GABBR2: variants seen among roughly 807,000 people sequenced by gnomAD.
GABBR2 encodes the protein G-protein coupled receptor 51.
GABBR2 carries 23 observed loss-of-function variants against 105.6 expected under a neutral mutation model. That is an observed-to-expected ratio of 0.22 (90% CI 0.16 to 0.31). The LOEUF is 0.31. Among genes scored for constraint, GABBR2 ranks in the 10% least tolerant of loss-of-function variants. GABBR2 has a pLI of 1.00. For synonymous variants in GABBR2, 478 were observed against 499.7 expected (o/e 0.96, Z 0.58); for missense variants, 734 against 1,245.5 (o/e 0.59, Z 6.18).
chr9:98,649,049 G>A (rs1564141092), intron 1 of GABBR2, among the ~76,000 whole-genome samples: 3 of 152,050 alleles, frequency 2.0e-5, no homozygotes, highest in East Asian at 3.8e-4. Flanking sequence ...AGGAAAGTCC[G>A]CAACCTAAAG....
At chr9:98,292,456 T>C (rs1165188555) in intron 18 of GABBR2, among the ~76,000 whole-genome samples, 1 of 152,176 alleles carries the variant, frequency 6.6e-6, no homozygotes, top group Non-Finnish European at 1.5e-5. Flanking sequence ...TTGGGGTTCA[T>C]TTAGGTCACT....
intron 17 of GABBR2, among the ~76,000 whole-genome samples, chr9:98,297,253 C>A (rs1191764451): frequency 6.6e-6 from 1 of 152,072 alleles, no homozygotes; most frequent in African/African-American, 2.4e-5. Context: ...TTTGCAATAA[C>A]CATGTTATAT....
chr9:98,390,024 TC>T (rs1253151754), intron 9 of GABBR2, among the ~76,000 whole-genome samples: 141 of 152,204 alleles, frequency 9.3e-4, no homozygotes, highest in Non-Finnish European at 2.4e-4. Context: ...GAGTGAGAAC[TC>T]CCCTGAACAT....
intron 13 of GABBR2, among the ~76,000 whole-genome samples, chr9:98,354,265 G>A (rs981865953): frequency 5.9e-5 from 9 of 152,184 alleles, no homozygotes; most frequent in Middle Eastern, 3.2e-3. Flanking sequence ...AGTAGATTTA[G>A]CACAATTCTT....
Position 98,321,639 on chromosome 9 carries a change from G to A in GABBR2, c.1894-10434C>T, listed in dbSNP as rs368580511. 2.6e-4 allele frequency among the ~76,000 whole-genome samples: 39 copies of A among 152,324 alleles called. 1 individual carries two copies. The highest frequency in any genetic ancestry group is 8.9e-4 in the African/African-American group (37 of 41,574). ...TAGGACCCTGACCCAGCAGGCAGAC[G>A]ATGGGGAGAATGATGACAGGAGACA... is the stretch of plus-strand genomic sequence containing the variant. On this transcript the variant is annotated intron_variant, in intron 13 of 18. Transcript: ENST00000259455.
chr9:98,315,653 AC>A (rs567595027), intron 13 of GABBR2, among the ~76,000 whole-genome samples: 287 of 152,250 alleles, frequency 1.9e-3, no homozygotes, highest in African/African-American at 6.3e-3. Context: ...CAGGTGGGCT[AC>A]CCACCCCCCA....
intron 1 of GABBR2, among the ~76,000 whole-genome samples, chr9:98,707,705 C>A (rs981022322): frequency 3.3e-5 from 5 of 152,266 alleles, no homozygotes. Flanking sequence ...CGGCCGGACA[C>A]CACTGCACGT....
chr9:98,496,368 C>T, intron 4 of GABBR2, 45 bp downstream of exon 4: 2 of 1,210,074 alleles, frequency 1.7e-6, no homozygotes, highest in Non-Finnish European at 2.5e-6. Flanking sequence ...GCACCCAGGG[C>T]ATTGAGATCA....
At chr9:98,301,642 G>A (rs1287790977) in intron 16 of GABBR2, among the ~76,000 whole-genome samples, 1 of 152,218 alleles carries the variant, frequency 6.6e-6, no homozygotes, top group Non-Finnish European at 1.5e-5. Context: ...GCCAGATTGT[G>A]ATTCATTTCC....
intron 7 of GABBR2, among the ~76,000 whole-genome samples, chr9:98,442,935 C>T (rs914769753): frequency 2.2e-4 from 34 of 152,310 alleles, no homozygotes; most frequent in African/African-American, 5.8e-4. Context: ...TACTTCAGTA[C>T]GACCTCATCT....
chr9:98,687,605 C>T (rs1830635514), intron 1 of GABBR2, among the ~76,000 whole-genome samples: 4 of 152,136 alleles, frequency 2.6e-5, no homozygotes, highest in African/African-American at 9.7e-5. Flanking sequence ...TTCCTGCCTG[C>T]TCTGGGATCT....
chr9:98,522,328 G>T (rs1019842478), intron 3 of GABBR2, among the ~76,000 whole-genome samples: 6 of 152,006 alleles, frequency 3.9e-5, no homozygotes, highest in African/African-American at 9.7e-5. Context: ...AATAATTAAA[G>T]ATATAATAAA....
intron 3 of GABBR2, among the ~76,000 whole-genome samples, chr9:98,509,900 A>C (rs953628459): frequency 1.3e-5 from 2 of 152,088 alleles, no homozygotes; most frequent in East Asian, 1.9e-4. Flanking sequence ...CCAACATTCA[A>C]ATTCAGGAAA....
chr9:98,308,215 C>T (rs879757132), intron 14 of GABBR2, among the ~76,000 whole-genome samples: 4 of 152,152 alleles, frequency 2.6e-5, no homozygotes, highest in Non-Finnish European at 4.4e-5. Context: ...TGATGGGCCA[C>T]CAAGCCACTG....
chr9:98,601,119 G>T (rs1829325359), intron 1 of GABBR2, among the ~76,000 whole-genome samples: 1 of 152,162 alleles, frequency 6.6e-6, no homozygotes, highest in South Asian at 2.1e-4. Flanking sequence ...CAATAACAGT[G>T]CTGCTCAGAC....
At chr9:98,486,887 A>T (rs975399627) in intron 4 of GABBR2, among the ~76,000 whole-genome samples, 2 of 152,108 alleles carry the variant, frequency 1.3e-5, no homozygotes, top group Admixed American at 6.6e-5. Flanking sequence ...ACCCACAATG[A>T]GTAGTCCCTT....
chr9:98,683,750 C>CT (rs746264540), intron 1 of GABBR2, among the ~76,000 whole-genome samples: 2 of 151,956 alleles, frequency 1.3e-5, no homozygotes, highest in Non-Finnish European at 2.9e-5. Context: ...TGGCTCACGC[C>CT]TGTAATCCTA....
At chr9:98,453,875 A>G in intron 7 of GABBR2, 106 bp downstream of exon 7, 1 of 801,160 alleles carries the variant, frequency 1.2e-6, no homozygotes, top group South Asian at 1.6e-5. Context: ...TATTTCAATG[A>G]TCAGAGATAA....
chr9:98,393,129 A>G (rs1190671759), intron 9 of GABBR2, among the ~76,000 whole-genome samples: 1 of 90,724 alleles, frequency 1.1e-5, no homozygotes, highest in Non-Finnish European at 2.1e-5. Flanking sequence ...CATCCACCCA[A>G]CCATCCATCC....
Sources: gnomAD v4.1 joint callset for allele counts (sites outside exome capture counted in the v4.1 genomes callset) on GRCh38, gnomAD v4.1.1 for gene constraint, MANE v1.5 for transcripts, NCBI Gene and HGNC (gene_info 2026-07-23, HGNC 2026-07-21) for gene names.